Variants in FBXO25 observed in about 807,000 individuals in gnomAD.
The protein encoded by FBXO25 is F-box only protein 25.
FBXO25 carries 45 observed loss-of-function variants against 51.9 expected under a neutral mutation model. The observed-to-expected ratio is 0.87, with a 90% CI of 0.68 to 1.11. The LOEUF (loss-of-function observed/expected upper bound fraction) is 1.11, where lower values mean the gene tolerates loss of function less well. FBXO25 is among the 50% of genes most tolerant of loss of function. The probability of loss-of-function intolerance (pLI) is 0.00; values close to 1 mark genes in which losing one functional copy is unlikely to be tolerated. For synonymous variants in FBXO25, 199 were observed against 151.0 expected (o/e 1.32, Z -2.33); for missense variants, 507 against 428.5 (o/e 1.18, Z -1.62).
chr8:421,762 G>GGGTT (rs1239835244), intron 2 of FBXO25, among the ~76,000 whole-genome samples: 1 of 152,198 alleles, frequency 6.6e-6, no homozygotes, highest in Non-Finnish European at 1.5e-5. Flanking sequence ...CTCAGGGAAG[G>GGGTT]GGTTGGTTCC....
chr8:428,025 A>G (rs757324639), intron 2 of FBXO25, among the ~76,000 whole-genome samples: 11 of 152,202 alleles, frequency 7.2e-5, no homozygotes, highest in Non-Finnish European at 1.3e-4. Context: ...ATCTTATTAT[A>G]GGTCATCACT....
intron 2 of FBXO25, among the ~76,000 whole-genome samples, chr8:414,509 A>G (rs1796677683): frequency 6.6e-6 from 1 of 152,200 alleles, no homozygotes; most frequent in Non-Finnish European, 1.5e-5. Context: ...TTACTGCTGC[A>G]TCTGCGGTGA....
In FBXO25 at chr8:451,448, A is replaced by G; in HGVS notation, c.655A>G (p.Thr219Ala). The change falls in exon 7 of 10, where the codon ACT becomes GCT. Residue 219 changes from threonine to alanine, a missense_variant. Physicochemically the swap from Thr to Ala is moderately conservative, Grantham distance 58. Transcript: ENST00000350302. ...ACAACAGCTACAGGATCTTCAGATG[A>G]CTAAGGTATAAATATCTCGGCATAA... ...WQQQLQDLQM[T>A]KQVNNGLTLS... 6.2e-7 allele frequency: 1 copy of G among 1,613,348 alleles called. No individual in the cohort carries two copies.
At chr8:434,741 GGATGAA>G (rs1436952881) in intron 4 of FBXO25, among the ~76,000 whole-genome samples, 2 of 152,124 alleles carry the variant, frequency 1.3e-5, no homozygotes, top group Non-Finnish European at 2.9e-5. Flanking sequence ...CAAATATGGA[GGATGAA>G]GATGGAGTTT....
At chr8:453,502 C>G (rs1563090645) in intron 7 of FBXO25, among the ~76,000 whole-genome samples, 1 of 152,126 alleles carries the variant, frequency 6.6e-6, no homozygotes, top group African/African-American at 2.4e-5. Context: ...AGAAAGAGCA[C>G]TTTACCAGCT....
At chr8:444,950 G>T (rs978793308) in intron 5 of FBXO25, among the ~76,000 whole-genome samples, 1 of 152,134 alleles carries the variant, frequency 6.6e-6, no homozygotes. Flanking sequence ...CTTGTTAAGC[G>T]ACCCATGACT....
At chr8:452,648 G>T (rs1445602305) in intron 7 of FBXO25, among the ~76,000 whole-genome samples, 3 of 152,240 alleles carry the variant, frequency 2.0e-5, no homozygotes, top group African/African-American at 4.8e-5. Context: ...AAGGAAGGGG[G>T]TGTTTGGGAA....
At chr8:464,669 A>C (rs754159760) in intron 9 of FBXO25, among the ~76,000 whole-genome samples, 9 of 152,206 alleles carry the variant, frequency 5.9e-5, no homozygotes, top group Non-Finnish European at 1.3e-4. Context: ...TTTCATTTCA[A>C]ATTACATTTA....
intron 8 of FBXO25, among the ~76,000 whole-genome samples, chr8:460,759 G>A (rs1799756585): frequency 6.6e-6 from 1 of 152,204 alleles, no homozygotes; most frequent in African/African-American, 2.4e-5. Context: ...AGGAACTATT[G>A]TTTTAACAGT....
chr8:463,402 C>T lies in FBXO25; in HGVS notation c.987+252C>T, dbSNP rs151165083. ...TTAGCATGCAGGAGGGCGTTGCAGGCGGATTGCAGCCAGTGACCTTTCCTG... is the reference window on the plus strand; with the variant it reads ...TTAGCATGCAGGAGGGCGTTGCAGGTGGATTGCAGCCAGTGACCTTTCCTG... On this transcript the variant is annotated intron_variant, in intron 9 of 9. Transcript: ENST00000350302. Among the ~76,000 whole-genome samples, 53 of 152,270 alleles carry T rather than the reference C, an allele frequency of 3.5e-4. No individual in the cohort carries two copies. In the East Asian group the frequency reaches 9.3e-3, roughly 27 times the overall value.
intron 7 of FBXO25, among the ~76,000 whole-genome samples, chr8:455,780 A>C (rs948842320): frequency 1.2e-4 from 19 of 152,206 alleles, no homozygotes; most frequent in Admixed American, 5.9e-4. Flanking sequence ...GCATGTAGCT[A>C]ATCAGTGGAG....
chr8:452,822 G>C (rs1418134067), intron 7 of FBXO25, among the ~76,000 whole-genome samples: 3 of 152,248 alleles, frequency 2.0e-5, no homozygotes, highest in East Asian at 3.8e-4. Context: ...ACCTCACCAA[G>C]AGGAGAGAAA....
Position 475,520 on chromosome 8 carries a change from A to T in FBXO25, c.*6716A>T, listed in dbSNP as rs570935176. ...TGAAATCTATAGATTGCTTTGGACTATGGACATCTTAAGGTATCCAATCCA... is the reference window on the plus strand; with the variant it reads ...TGAAATCTATAGATTGCTTTGGACTTTGGACATCTTAAGGTATCCAATCCA... On this transcript the variant is annotated 3_prime_UTR_variant, in exon 10 of 10. Coordinates refer to ENST00000350302, the MANE Select transcript of FBXO25 (RefSeq NM_183420.2). The T allele has an allele frequency of 3.3e-5, 5 of 152,236 alleles. No homozygotes were observed. The highest frequency in any genetic ancestry group is 1.2e-4 in the African/African-American group (5 of 41,474). 9.4% of individuals were successfully genotyped at this position (152,236 alleles called of 1,614,324 possible).
rs1016945390 is a variant in FBXO25 at position 475,997 on chromosome 8, T to C, written c.*7193T>C. ...AAAGTCCTTTCAGTCTTATTGAATA[T>C]GATGTTTACAGTGGGATGTTCATAT... On this transcript the variant is annotated 3_prime_UTR_variant, in exon 10 of 10. Coordinates refer to ENST00000350302, the MANE Select transcript of FBXO25 (RefSeq NM_183420.2). 1 of 152,078 alleles carries C rather than the reference T, an allele frequency of 6.6e-6. No individual in the cohort carries two copies. Among genetic ancestry groups the C allele is most frequent in the Non-Finnish European group, 1.5e-5 (1 of 68,014 alleles). 9.4% of individuals were successfully genotyped at this position (152,078 alleles called of 1,614,324 possible).
chr8:433,966 G>A (rs12680761), intron 4 of FBXO25, among the ~76,000 whole-genome samples: 2 of 151,694 alleles, frequency 1.3e-5, no homozygotes, highest in Non-Finnish European at 1.5e-5. Context: ...TTTAGTGCTC[G>A]TGAAAGACCA....
chr8:415,202 T>C, intron 2 of FBXO25, among the ~76,000 whole-genome samples: 1 of 152,204 alleles, frequency 6.6e-6, no homozygotes, highest in Non-Finnish European at 1.5e-5. Context: ...AAAAATAATT[T>C]AGGTAATCAA....
intron 5 of FBXO25, among the ~76,000 whole-genome samples, chr8:436,511 C>A (rs1011819686): frequency 6.6e-6 from 1 of 152,154 alleles, no homozygotes; most frequent in South Asian, 2.1e-4. Flanking sequence ...AGCAGAATTT[C>A]CAGGGCTGCT....
At chr8:444,225 G>A (rs1044189628) in intron 5 of FBXO25, among the ~76,000 whole-genome samples, 1 of 152,194 alleles carries the variant, frequency 6.6e-6, no homozygotes, top group Non-Finnish European at 1.5e-5. Flanking sequence ...TCTGCCCAGT[G>A]AAGAATACTT....
chr8:414,044 A>G (rs1307069354), intron 2 of FBXO25, among the ~76,000 whole-genome samples: 1 of 152,214 alleles, frequency 6.6e-6, no homozygotes, highest in African/African-American at 2.4e-5. Context: ...CATTTGTGTA[A>G]TTATCAACTG....
Sources: gnomAD v4.1 joint callset for allele counts (sites outside exome capture counted in the v4.1 genomes callset) on GRCh38, gnomAD v4.1.1 for gene constraint, MANE v1.5 for transcripts, NCBI Gene and HGNC (gene_info 2026-07-23, HGNC 2026-07-21) for gene names.